CCDC85C: variants seen among roughly 807,000 people sequenced by gnomAD.
CCDC85C encodes the protein coiled-coil domain containing 85C, also known as coiled-coil domain-containing protein 85C.
Under a neutral mutation model 38.3 loss-of-function variants are expected in CCDC85C, and 18 were observed. The ratio of observed to expected loss-of-function variants is 0.47; its 90% confidence interval spans 0.33 to 0.70. The LOEUF (loss-of-function observed/expected upper bound fraction) is 0.70. CCDC85C is among the 30% of genes least tolerant of loss of function. CCDC85C has a pLI of 0.03. For synonymous variants in CCDC85C, 264 were observed against 293.8 expected (o/e 0.90, Z 1.04); for missense variants, 566 against 621.2 (o/e 0.91, Z 0.94).
rs1467222322 is a variant in CCDC85C, at chr14:99,558,085, G to A, written c.794-21997C>T. ...TCTACTTCAGTGGTCTATTTAAGTC[G>A]ATTCTGGAAAAACCTGGACAAACCT... On this transcript the variant is annotated intron_variant, in intron 1 of 5. Coordinates refer to ENST00000380243, the MANE Select transcript of CCDC85C (RefSeq NM_001144995.2). This position sits in a 1 kb window ranked among gnomAD's most constrained non-coding sequence, Gnocchi z 4.2. 1.3e-5 allele frequency among the ~76,000 whole-genome samples: 2 copies of A among 152,138 alleles called. No individual in the cohort carries two copies. The highest frequency in any genetic ancestry group is 2.9e-5 in the Non-Finnish European group (2 of 68,030).
chr14:99,530,477 A>G (rs189628491), intron 2 of CCDC85C, among the ~76,000 whole-genome samples: 1 of 152,308 alleles, frequency 6.6e-6, no homozygotes, highest in Admixed American at 6.5e-5. Flanking sequence ...CGACGCCAGC[A>G]TCTCCGGAGG....
chr14:99,500,935 A>G lies in CCDC85C; in HGVS notation c.*14311T>C. 1.0e-6 allele frequency: 1 copy of G among 982,668 alleles called. No individual in the cohort carries two copies. The highest frequency in any genetic ancestry group is 1.5e-5 in the South Asian group (1 of 67,342). 60.9% of individuals were successfully genotyped at this position (982,668 alleles called of 1,614,324 possible). On this transcript the variant is annotated 3_prime_UTR_variant, in exon 6 of 6. Transcript: ENST00000380243. ...AATCAAGTCTTTATAATTTGATGAC[A>G]CTCAAATTACGCTTCTCAAAAGCGG... is the stretch of plus-strand genomic sequence containing the variant.
rs1897771608 is a variant in CCDC85C at position 99,544,512 on chromosome 14, G to C, written c.794-8424C>G. Among the ~76,000 whole-genome samples, 1 of 151,910 alleles carries C rather than the reference G, an allele frequency of 6.6e-6. No homozygotes were observed. Among genetic ancestry groups the C allele is most frequent in the Admixed American group, 6.6e-5 (1 of 15,226 alleles). ...AGGGTGTGTGTGTGTGTGTGTGTGT[G>C]TGTGTCTGTGTGTCTGTGTGTTCCC... On this transcript the variant is annotated intron_variant, in intron 1 of 5. Coordinates refer to ENST00000380243, the MANE Select transcript of CCDC85C (RefSeq NM_001144995.2). This position sits in a 1 kb window ranked among gnomAD's most constrained non-coding sequence, Gnocchi z 5.3.
At position 99,503,543 on chromosome 14, in the gene CCDC85C, G is replaced by A; in HGVS notation, c.*11703C>T. 7.2e-7 allele frequency: 1 copy of A among 1,381,922 alleles called. No individual in the cohort carries two copies. Among genetic ancestry groups the A allele is most frequent in the Middle Eastern group, 1.8e-4 (1 of 5,648 alleles). The allele number at this position is 1,381,922 out of a possible 1,614,324, so 85.6% of individuals were successfully genotyped here. ...CCGTCGCTGATTCTGGTGGTACCTG[G>A]ATAATCCATTTTTTTCTCATCATAC... On this transcript the variant is annotated 3_prime_UTR_variant, in exon 6 of 6. Transcript: ENST00000380243.
intron 2 of CCDC85C, among the ~76,000 whole-genome samples, chr14:99,528,138 C>A (rs1185344284): frequency 2.0e-5 from 3 of 152,174 alleles, no homozygotes; most frequent in African/African-American, 7.2e-5. Flanking sequence ...ACAGAGCACA[C>A]AGCAGCGCAC....
intron 1 of CCDC85C, among the ~76,000 whole-genome samples, chr14:99,559,531 T>C (rs760757552): frequency 2.6e-5 from 4 of 152,288 alleles, no homozygotes; most frequent in Non-Finnish European, 5.9e-5. Context: ...TTCTGCCTCA[T>C]TTCCCAAAGT....
intron 1 of CCDC85C, among the ~76,000 whole-genome samples, chr14:99,579,300 G>A (rs2054939576): frequency 6.6e-6 from 1 of 152,238 alleles, no homozygotes; most frequent in Non-Finnish European, 1.5e-5. Flanking sequence ...GCACCGTCCT[G>A]GACGCAGTGT....
chr14:99,516,125 G>T lies in CCDC85C; in HGVS notation c.1170+63C>A. On this transcript the variant is annotated intron_variant, in intron 5 of 5. Coordinates refer to ENST00000380243, the MANE Select transcript of CCDC85C (RefSeq NM_001144995.2). This position sits in a 1 kb window ranked among gnomAD's most constrained non-coding sequence, Gnocchi z 5.5. ...CCCACATGGGGAAGGGTATGGCCAT[G>T]CTGGGTGGCCCTGGTCGCACTCCCA... The T allele has an allele frequency of 7.9e-7, 1 of 1,259,478 alleles. No individual in the cohort carries two copies. The highest frequency in any genetic ancestry group is 1.1e-6 in the Non-Finnish European group (1 of 883,084). 78.0% of individuals were successfully genotyped at this position (1,259,478 alleles called of 1,614,324 possible). A position where few individuals can be genotyped will look rare whatever the true frequency, so the allele number is the denominator to read the frequency against.
Position 99,500,362 on chromosome 14 carries a change from TCTTG to T in CCDC85C, c.*14880_*14883del, listed in dbSNP as rs1365233186. The T allele has an allele frequency of 4.9e-6, 1 of 203,324 alleles. No individual in the cohort carries two copies. The highest frequency in any genetic ancestry group is 1.0e-5 in the Non-Finnish European group (1 of 100,186). 12.6% of individuals were successfully genotyped at this position (203,324 alleles called of 1,614,324 possible). The stretch of plus-strand genomic sequence containing the variant: ...ATGAGGCTGGCTATCATAAACTCTT[TCTTG>T]CTTAAAATGTTTTCAATGAAAATTC... On this transcript the variant is annotated 3_prime_UTR_variant, in exon 6 of 6. Coordinates refer to ENST00000380243, the MANE Select transcript of CCDC85C (RefSeq NM_001144995.2).
At chr14:99,560,569 C>A (rs542892892) in intron 1 of CCDC85C, among the ~76,000 whole-genome samples, 2 of 152,216 alleles carry the variant, frequency 1.3e-5, no homozygotes, top group African/African-American at 4.8e-5. Context: ...GCCAGCATCA[C>A]GCCCGCCTCA....
intron 1 of CCDC85C, among the ~76,000 whole-genome samples, chr14:99,540,404 C>T (rs1200253571): frequency 2.6e-5 from 4 of 152,190 alleles, no homozygotes; most frequent in African/African-American, 7.2e-5. Flanking sequence ...CAGGAGACCC[C>T]GGGAAGGGCC....
At chr14:99,553,255 T>C (rs181378746) in intron 1 of CCDC85C, among the ~76,000 whole-genome samples, 26 of 152,192 alleles carry the variant, frequency 1.7e-4, no homozygotes, top group South Asian at 6.2e-4. Flanking sequence ...GCTCAGGACA[T>C]GGGGAGAGGA....
rs933034963 is a variant in CCDC85C, at chr14:99,535,259, G to A, written c.867+756C>T. Among the ~76,000 whole-genome samples, 1 of 152,204 alleles carries A rather than the reference G, an allele frequency of 6.6e-6. No homozygotes were observed. The highest frequency in any genetic ancestry group is 1.5e-5 in the Non-Finnish European group (1 of 68,028). On this transcript the variant is annotated intron_variant, in intron 2 of 5. Coordinates refer to ENST00000380243, the MANE Select transcript of CCDC85C (RefSeq NM_001144995.2). The surrounding 1 kb of genome is among the most constrained non-coding windows in gnomAD (Gnocchi z 5.5). ...GCTCACGGCGCAGTGGGAAAAGCAG[G>A]GAGAGGGAGACTGGGATGAAGCCAG... is the stretch of plus-strand genomic sequence containing the variant.
chr14:99,564,052 T>TG (rs1187957195), intron 1 of CCDC85C, among the ~76,000 whole-genome samples: 2 of 152,128 alleles, frequency 1.3e-5, no homozygotes, highest in African/African-American at 2.4e-5. Context: ...ACACAGGTGG[T>TG]GGGATTGCTG....
rs1450542115 is a variant in CCDC85C, at chr14:99,510,626, A to G, written c.*4620T>C. The stretch of plus-strand genomic sequence containing the variant: ...CCCCACGCCTCCCGCCTACCCACGC[A>G]GTCCCCCCTCATCCTCCTCCAGGGT... On this transcript the variant is annotated 3_prime_UTR_variant, in exon 6 of 6. Coordinates refer to ENST00000380243, the MANE Select transcript of CCDC85C (RefSeq NM_001144995.2). 3.3e-6 allele frequency: 4 copies of G among 1,199,970 alleles called. No homozygotes were observed. Among genetic ancestry groups the G allele is most frequent in the Non-Finnish European group, 4.3e-6 (4 of 932,092 alleles). 74.3% of individuals were successfully genotyped at this position (1,199,970 alleles called of 1,614,324 possible).
chr14:99,501,194 G>A lies in CCDC85C; in HGVS notation c.*14052C>T, dbSNP rs1033547193. On this transcript the variant is annotated 3_prime_UTR_variant, in exon 6 of 6. Coordinates refer to ENST00000380243, the MANE Select transcript of CCDC85C (RefSeq NM_001144995.2). ...GCGTAGGTCATGAGGAGGAAGAAGGGGTAGGATGTGGACCCACATCATTCA... is the reference window on the plus strand; with the variant it reads ...GCGTAGGTCATGAGGAGGAAGAAGGAGTAGGATGTGGACCCACATCATTCA... 44 of 626,426 alleles carry A rather than the reference G, an allele frequency of 7.0e-5. No homozygotes were observed. The highest frequency in any genetic ancestry group is 4.3e-5 in the Non-Finnish European group (15 of 352,602). 38.8% of individuals were successfully genotyped at this position (626,426 alleles called of 1,614,324 possible).
At chr14:99,571,535 C>T (rs559506974) in intron 1 of CCDC85C, among the ~76,000 whole-genome samples, 15 of 152,296 alleles carry the variant, frequency 9.8e-5, no homozygotes, top group South Asian at 8.3e-4. Flanking sequence ...GCTACCCTGA[C>T]GGGGAGGTTC....
In CCDC85C at chr14:99,515,020, G is replaced by T. The variant is rs767737189; in HGVS notation, c.*226C>A. 2 of 489,996 alleles carry T rather than the reference G, an allele frequency of 4.1e-6. No individual in the cohort carries two copies. Among genetic ancestry groups the T allele is most frequent in the Non-Finnish European group, 3.7e-6 (1 of 269,328 alleles). 30.4% of individuals were successfully genotyped at this position (489,996 alleles called of 1,614,324 possible). On this transcript the variant is annotated 3_prime_UTR_variant, in exon 6 of 6. Transcript: ENST00000380243. The stretch of plus-strand genomic sequence containing the variant: ...GGGCCGCTCTGCTGCAGGAACAGTC[G>T]CAGCGTCTCGTCTTCCCAGGTTGCT...
At position 99,552,917 on chromosome 14, in the gene CCDC85C, C is replaced by T. The variant is rs183464662; in HGVS notation, c.794-16829G>A. ...ACTGGGTGACCCAAAATAGGACTAA[C>T]AGACCAGGAGCTCATTGTCCTGCTG... On this transcript the variant is annotated intron_variant, in intron 1 of 5. Coordinates refer to ENST00000380243, the MANE Select transcript of CCDC85C (RefSeq NM_001144995.2). 4.6e-5 allele frequency among the ~76,000 whole-genome samples: 7 copies of T among 152,336 alleles called. No individual in the cohort carries two copies. In the East Asian group the frequency reaches 1.2e-3, roughly 25 times the overall value.
Sources: allele counts gnomAD v4.1 joint callset (sites outside exome capture counted in the v4.1 genomes callset), GRCh38; gene constraint gnomAD v4.1.1; non-coding constraint Gnocchi (gnomAD v3.1); transcripts MANE v1.5; gene names NCBI Gene and HGNC (gene_info 2026-07-23, HGNC 2026-07-21).